POLN: variants seen among roughly 807,000 people sequenced by gnomAD.
The protein encoded by POLN is DNA polymerase N.
Under a neutral mutation model 113.5 loss-of-function variants are expected in POLN, and 108 were observed. The observed-to-expected ratio is 0.95, with a 90% CI of 0.81 to 1.12. The LOEUF is 1.12. Among genes scored for constraint, POLN ranks in the 50% most tolerant of loss-of-function variants. POLN has a pLI of 0.00. For missense variants in POLN, 1,097 were observed against 1,077.1 expected, an observed-to-expected ratio of 1.02 and a Z score of -0.26; for synonymous variants, 386 against 391.5, an observed-to-expected ratio of 0.99 and a Z score of 0.17.
chr4:2,172,810 T>C (rs1205399268), intron 11 of POLN, among the ~76,000 whole-genome samples: 3 of 152,168 alleles, frequency 2.0e-5, no homozygotes, highest in Non-Finnish European at 4.4e-5. Context: ...ACTAGTCACC[T>C]CACAGCCCAC....
intron 4 of POLN, among the ~76,000 whole-genome samples, chr4:2,212,217 T>C (rs1433121346): frequency 6.6e-6 from 1 of 152,226 alleles, no homozygotes; most frequent in African/African-American, 2.4e-5. Flanking sequence ...ACGACCTCTC[T>C]GGCCCACACC....
At chr4:2,073,052 G>T (rs376096714) in intron 24 of POLN, 23 bp from the exon 25 acceptor site, 1 of 1,611,394 alleles carries the variant, frequency 6.2e-7, no homozygotes, top group Admixed American at 1.7e-5. Flanking sequence ...AGAGAGAGGA[G>T]GCCCTGCTGG....
chr4:2,149,725 G>A (rs1732241470), intron 16 of POLN, among the ~76,000 whole-genome samples: 1 of 152,148 alleles, frequency 6.6e-6, no homozygotes, highest in African/African-American at 2.4e-5. Flanking sequence ...GTTGGAGGCT[G>A]CAGTGAGCTA....
At chr4:2,207,730 T>C (rs930899239) in intron 5 of POLN, among the ~76,000 whole-genome samples, 1 of 152,118 alleles carries the variant, frequency 6.6e-6, no homozygotes, top group African/African-American at 2.4e-5. Context: ...GACAACAACA[T>C]GTGTTGACAA....
chr4:2,162,441 A>G (rs754049396), intron 13 of POLN, among the ~76,000 whole-genome samples: 7 of 152,048 alleles, frequency 4.6e-5, no homozygotes, highest in South Asian at 2.1e-4. Flanking sequence ...CTTAAGAGCT[A>G]TAACACTCAC....
intron 19 of POLN, among the ~76,000 whole-genome samples, chr4:2,105,958 CCTT>C (rs1168998026): frequency 1.3e-5 from 2 of 152,082 alleles, no homozygotes; most frequent in Admixed American, 1.3e-4. Context: ...TAGTCTGTGG[CCTT>C]CTTAAGATGC....
chr4:2,133,829 C>T (rs1731787033), intron 16 of POLN, among the ~76,000 whole-genome samples: 1 of 152,194 alleles, frequency 6.6e-6, no homozygotes. Flanking sequence ...GTCTCCCATC[C>T]TGAGATCCCC....
At chr4:2,162,252 C>T (rs1732615301) in intron 13 of POLN, among the ~76,000 whole-genome samples, 1 of 152,132 alleles carries the variant, frequency 6.6e-6, no homozygotes, top group African/African-American at 2.4e-5. Context: ...CTGAAGCCAG[C>T]AAGACCACCA....
At position 2,113,607 on chromosome 4, in the gene POLN, C is replaced by T. The variant is rs1731249482; in HGVS notation, c.1982+14506G>A. ...GCATGGTGGCTCATGCCTGTAATCC[C>T]AGCACTTTGGGAGGCCAAGGCAGGT... On this transcript the variant is annotated intron_variant, in intron 19 of 25. Transcript: ENST00000511885. Among the ~76,000 whole-genome samples the T allele has an allele frequency of 3.3e-5, 5 of 151,248 alleles. No homozygotes were observed. The South Asian group carries it at 8.3e-4, about 25-fold the overall frequency.
rs372139984 is a variant in POLN at position 2,178,854 on chromosome 4, G to A, written c.1179+454C>T. On this transcript the variant is annotated intron_variant, in intron 8 of 25. Transcript: ENST00000511885. ...CTTGAACTCCTGGCCTCGAGTGATC[G>A]GCCCACCTTAGCCTCCCAAAGTGCT... Among the ~76,000 whole-genome samples the A allele has an allele frequency of 1.7e-4, 26 of 152,080 alleles. No individual in the cohort carries two copies. In the South Asian group the frequency reaches 4.8e-3, roughly 28 times the overall value.
intron 16 of POLN, among the ~76,000 whole-genome samples, chr4:2,151,302 A>C (rs1413042767): frequency 1.3e-5 from 2 of 152,212 alleles, no homozygotes; most frequent in Non-Finnish European, 2.9e-5. Flanking sequence ...AATTAGAAAG[A>C]CCGGCCAGAT....
intron 20 of POLN, chr4:2,089,709 T>C (rs1242347010): frequency 3.0e-6 from 2 of 676,538 alleles, no homozygotes; most frequent in East Asian, 5.4e-5. Context: ...GTGAATTACT[T>C]TGAATATATG....
At chr4:2,187,394 C>T (rs1260364273) in intron 7 of POLN, among the ~76,000 whole-genome samples, 3 of 152,128 alleles carry the variant, frequency 2.0e-5, no homozygotes, top group Non-Finnish European at 4.4e-5. Context: ...CAGGTATGTG[C>T]CACCATGCCC....
At chr4:2,164,901 A>G (rs981467438) in intron 13 of POLN, among the ~76,000 whole-genome samples, 1 of 150,534 alleles carries the variant, frequency 6.6e-6, no homozygotes, top group Non-Finnish European at 1.5e-5. Context: ...CCAGAACACC[A>G]ACACCACCAA....
At position 2,129,148 on chromosome 4, in the gene POLN, A is replaced by G. The variant is rs765941189; in HGVS notation, c.1867+31T>C. 2.0e-6 allele frequency: 3 copies of G among 1,507,724 alleles called. No homozygotes were observed. In the East Asian group the frequency reaches 6.8e-5, roughly 34 times the overall value. 93.4% of individuals were successfully genotyped at this position (1,507,724 alleles called of 1,614,324 possible). A position where few individuals can be genotyped will look rare whatever the true frequency, so the allele number is the denominator to read the frequency against. On this transcript the variant is annotated intron_variant, in intron 18 of 25. Coordinates refer to ENST00000511885, the MANE Select transcript of POLN (RefSeq NM_181808.4). The stretch of plus-strand genomic sequence containing the variant: ...AATTTCTAAACCTTTGAACCCTATG[A>G]AAATGCATAAAGCAAGCTACAGCAA...
At chr4:2,227,678 C>A (rs1455766829) in intron 3 of POLN, 2 of 152,140 alleles carry the variant, frequency 1.3e-5, no homozygotes, top group Non-Finnish European at 2.9e-5. Flanking sequence ...GTTGCCTAGG[C>A]TGGACTCGAA....
chr4:2,149,946 G>A (rs1055563912), intron 16 of POLN, among the ~76,000 whole-genome samples: 4 of 152,074 alleles, frequency 2.6e-5, no homozygotes, highest in African/African-American at 9.6e-5. Context: ...AGCTGGGTGT[G>A]GTGGTGGGCT....
chr4:2,148,744 T>G (rs896693759), intron 16 of POLN, among the ~76,000 whole-genome samples: 3 of 151,354 alleles, frequency 2.0e-5, no homozygotes, highest in Non-Finnish European at 2.9e-5. Context: ...AAACCAAAGA[T>G]CCAAGAAACT....
chr4:2,121,692 C>T (rs139977932), intron 19 of POLN, among the ~76,000 whole-genome samples: 20 of 152,044 alleles, frequency 1.3e-4, no homozygotes, highest in African/African-American at 4.8e-4. Flanking sequence ...GATATATCTC[C>T]TATTTCATTC....
Sources: allele counts gnomAD v4.1 joint callset (sites outside exome capture counted in the v4.1 genomes callset), GRCh38; gene constraint gnomAD v4.1.1; transcripts MANE v1.5; gene names NCBI Gene and HGNC (gene_info 2026-07-23, HGNC 2026-07-21).